HGSNAT: variants seen among roughly 807,000 people sequenced by gnomAD.
HGSNAT encodes transmembrane protein 76.
In HGSNAT, 59 loss-of-function variants were observed where a neutral mutation model predicts 85.2. The observed-to-expected ratio is 0.69, with a 90% confidence interval of 0.56 to 0.86. The LOEUF is 0.86. Ranked by LOEUF, HGSNAT falls within the 40% of genes least tolerant of loss-of-function variation. HGSNAT has a pLI of 0.00. For missense variants in HGSNAT, 756 were observed against 777.1 expected (o/e 0.97, Z 0.32); for synonymous variants, 321 against 304.5 (o/e 1.05, Z -0.56).
intron 11 of HGSNAT, among the ~76,000 whole-genome samples, chr8:43,186,357 T>C (rs879859283): frequency 6.6e-6 from 1 of 152,212 alleles, no homozygotes; most frequent in Non-Finnish European, 1.5e-5. Context: ...CTTCCTGGTT[T>C]AGTCTTGGGA....
At position 43,199,543 on chromosome 8, in the gene HGSNAT, A is replaced by G. The variant is rs1804851881; in HGVS notation, c.1882A>G (p.Arg628Gly). 6.4e-7 allele frequency: 1 copy of G among 1,563,746 alleles called. No individual in the cohort carries two copies. Among genetic ancestry groups the G allele is most frequent in the African/African-American group, 1.4e-5 (1 of 72,956 alleles). Residue 628 changes from arginine to glycine, a missense_variant, in exon 18 of 18, where the codon AGA (arginine) becomes GGA (glycine). Arg to Gly is a moderately radical substitution (Grantham distance 125). Coordinates refer to ENST00000379644, the MANE Select transcript of HGSNAT (RefSeq NM_152419.3). The stretch of plus-strand genomic sequence containing the variant: ...GGTGCTCATTGCCTACATCCTCTAT[A>G]GAAAGAAGATTTTTTGGAAAATCTG... ...LWVLIAYILY[R>G]KKIFWKI is the part of the protein sequence containing the mutation.
chr8:43,184,730 G>T (rs1325351405), intron 11 of HGSNAT, among the ~76,000 whole-genome samples: 1 of 152,170 alleles, frequency 6.6e-6, no homozygotes, highest in Non-Finnish European at 1.5e-5. Flanking sequence ...GTCCTGAATG[G>T]TATTGCCTAG....
chr8:43,163,248 C>G (rs1052823050), intron 5 of HGSNAT, among the ~76,000 whole-genome samples: 1 of 152,080 alleles, frequency 6.6e-6, no homozygotes, highest in Non-Finnish European at 1.5e-5. Context: ...TTCCACCTTG[C>G]CCCATGTGGA....
At chr8:43,181,999 G>A (rs1049441274) in intron 10 of HGSNAT, 146 bp from the exon 11 acceptor site, 7 of 703,972 alleles carry the variant, frequency 9.9e-6, no homozygotes, top group African/African-American at 3.5e-5. Context: ...TCTCTTGACC[G>A]TATATATTTC....
rs938537183 is a variant in HGSNAT, at chr8:43,193,971, G to A, written c.1464+128G>A. On this transcript the variant is annotated intron_variant, in intron 14 of 17. Transcript: ENST00000379644. ...TTGTGCTATGGGCCTAATATATTCT[G>A]TTATCTTTGACAGATTGTGCAGAAC... The A allele has an allele frequency of 1.6e-4, 235 of 1,456,852 alleles. No individual in the cohort carries two copies. The Middle Eastern group carries it at 1.7e-3, about 11-fold the overall frequency. The allele number at this position is 1,456,852 out of a possible 1,614,324, so 90.2% of individuals were successfully genotyped here. A position where few individuals can be genotyped will look rare whatever the true frequency, so the allele number is the denominator to read the frequency against.
At chr8:43,180,738 G>A (rs755337924) in intron 10 of HGSNAT, 31 of 301,962 alleles carry the variant, frequency 1.0e-4, no homozygotes, top group Middle Eastern at 1.2e-3. Flanking sequence ...GGGAGGCCAA[G>A]GCAGGCGGCT....
In HGSNAT at chr8:43,193,854, A is replaced by C. The variant is rs573124827; in HGVS notation, c.1464+11A>C. The C allele has an allele frequency of 6.2e-7, 1 of 1,611,818 alleles. No homozygotes were observed. ...TTTTTAGGAGTTCAGGTATTTGTTC[A>C]TTTCATTAGGTTACTTTTTCTGACA... On this transcript the variant is annotated intron_variant, in intron 14 of 17. Coordinates refer to ENST00000379644, the MANE Select transcript of HGSNAT (RefSeq NM_152419.3).
intron 14 of HGSNAT, chr8:43,194,669 C>T (rs547807234): frequency 4.8e-5 from 12 of 247,854 alleles, no homozygotes; most frequent in East Asian, 1.8e-4. Flanking sequence ...TGTCCTCACA[C>T]GGTGTCCCCA....
At chr8:43,167,692 A>G (rs1393626024) in intron 5 of HGSNAT, among the ~76,000 whole-genome samples, 1 of 152,094 alleles carries the variant, frequency 6.6e-6, no homozygotes, top group African/African-American at 2.4e-5. Flanking sequence ...GTCTTGAGCT[A>G]TGCCTGTACT....
At chr8:43,158,897 G>T (rs768975447) in intron 3 of HGSNAT, 26 bp from the exon 4 acceptor site, 2 of 1,591,964 alleles carry the variant, frequency 1.3e-6, no homozygotes, top group African/African-American at 2.7e-5. Context: ...CTAACCACTT[G>T]TCTTAATTTT....
intron 2 of HGSNAT, among the ~76,000 whole-genome samples, chr8:43,154,682 T>C (rs1028038591): frequency 8.5e-5 from 13 of 152,228 alleles, no homozygotes; most frequent in Non-Finnish European, 1.6e-4. Flanking sequence ...TATAGCAGCA[T>C]GATTTATATT....
At chr8:43,172,651 A>G (rs1208437963) in intron 8 of HGSNAT, among the ~76,000 whole-genome samples, 5 of 151,976 alleles carry the variant, frequency 3.3e-5, no homozygotes, top group African/African-American at 7.3e-5. Flanking sequence ...GGACTGAGGG[A>G]CTCTGCAGAA....
At chr8:43,165,569 C>A (rs969194865) in intron 5 of HGSNAT, among the ~76,000 whole-genome samples, 43 of 152,088 alleles carry the variant, frequency 2.8e-4, no homozygotes, top group Admixed American at 2.7e-3. Flanking sequence ...CCTCTTGTGC[C>A]CAACAGTTAG....
intron 17 of HGSNAT, among the ~76,000 whole-genome samples, chr8:43,199,160 CA>C (rs1207976415): frequency 6.6e-6 from 1 of 152,186 alleles, no homozygotes; most frequent in Non-Finnish European, 1.5e-5. Context: ...TTTGGCCTCC[CA>C]AAGTGCTGGG....
intron 9 of HGSNAT, among the ~76,000 whole-genome samples, chr8:43,177,152 T>C (rs190978256): frequency 2.7e-4 from 41 of 152,274 alleles, no homozygotes; most frequent in Admixed American, 1.2e-3. Context: ...AGGCTTTCAG[T>C]TTTTCCTAGA....
At chr8:43,179,740 GC>G (rs1803979419) in intron 10 of HGSNAT, among the ~76,000 whole-genome samples, 1 of 22,806 alleles carries the variant, frequency 4.4e-5, no homozygotes, top group Non-Finnish European at 9.2e-5. Context: ...CCCGGGCGGG[GC>G]GGCTGGCCGG....
intron 7 of HGSNAT, 131 bp from the exon 8 acceptor site, chr8:43,172,179 G>A: frequency 2.7e-6 from 2 of 749,318 alleles, no homozygotes; most frequent in Non-Finnish European, 4.9e-6. Flanking sequence ...GTCTCATCTT[G>A]TGTAATAAAA....
At chr8:43,198,534 G>C (rs1256795441) in intron 17 of HGSNAT, among the ~76,000 whole-genome samples, 1 of 152,068 alleles carries the variant, frequency 6.6e-6, no homozygotes, top group Admixed American at 6.6e-5. Flanking sequence ...TGATCCGCCC[G>C]CCTCGGCCTC....
In HGSNAT at chr8:43,191,471, C is replaced by G; in HGVS notation, c.1129-3C>G. ...CGTGTTTTATTTTTCTGCCCCCACTCAGGAGAGGAGCTGCCTTTCTCTTCG... is the reference window on the plus strand; with the variant it reads ...CGTGTTTTATTTTTCTGCCCCCACTGAGGAGAGGAGCTGCCTTTCTCTTCG... On this transcript the variant is annotated splice_polypyrimidine_tract_variant and splice_region_variant and intron_variant, in intron 11 of 17. Coordinates refer to ENST00000379644, the MANE Select transcript of HGSNAT (RefSeq NM_152419.3). 5 of 1,612,704 alleles carry G rather than the reference C, an allele frequency of 3.1e-6. No individual in the cohort carries two copies. The highest frequency in any genetic ancestry group is 4.2e-6 in the Non-Finnish European group (5 of 1,178,798).
Sources: gnomAD v4.1 joint callset for allele counts (sites outside exome capture counted in the v4.1 genomes callset) on GRCh38, gnomAD v4.1.1 for gene constraint, MANE v1.5 for transcripts, NCBI Gene and HGNC (gene_info 2026-07-23, HGNC 2026-07-21) for gene names.